GRID2: variants seen among roughly 807,000 people sequenced by gnomAD.
GRID2 encodes glutamate receptor ionotropic, delta-2.
GRID2 carries 33 observed loss-of-function variants against 114.8 expected under a neutral mutation model. The observed-to-expected ratio is 0.29, with a 90% confidence interval of 0.22 to 0.38. The LOEUF (loss-of-function observed/expected upper bound fraction) is 0.38, where lower values mean the gene tolerates loss of function less well. Ranked by LOEUF, GRID2 falls within the 10% of genes least tolerant of loss-of-function variation. The probability of loss-of-function intolerance (pLI) is 1.00; values close to 1 mark genes in which losing one functional copy is unlikely to be tolerated. For missense variants in GRID2, 1,184 were observed against 1,257.7 expected (o/e 0.94, Z 0.89); for synonymous variants, 505 against 449.9 (o/e 1.12, Z -1.55).
At chr4:92,620,943 A>G (rs1173672867) in intron 2 of GRID2, among the ~76,000 whole-genome samples, 1 of 151,076 alleles carries the variant, frequency 6.6e-6, no homozygotes, top group Non-Finnish European at 1.5e-5. Flanking sequence ...AAAGTATAAT[A>G]ATAATAATAA....
At chr4:92,996,378 A>G (rs1292237306) in intron 2 of GRID2, among the ~76,000 whole-genome samples, 1 of 149,768 alleles carries the variant, frequency 6.7e-6, no homozygotes, top group African/African-American at 2.6e-5. Context: ...TATTTTTATC[A>G]TATCATATTA....
intron 2 of GRID2, among the ~76,000 whole-genome samples, chr4:92,900,720 G>C (rs1747506167): frequency 6.6e-6 from 1 of 151,472 alleles, no homozygotes; most frequent in African/African-American, 2.4e-5. Context: ...TGTAGTCCCA[G>C]CTACGCCGGA....
intron 2 of GRID2, among the ~76,000 whole-genome samples, chr4:93,016,673 G>T (rs1048416722): frequency 2.0e-5 from 3 of 152,086 alleles, no homozygotes; most frequent in Non-Finnish European, 4.4e-5. Flanking sequence ...AAGTGAAAAT[G>T]GGAGCAGCAA....
chr4:92,540,700 A>G (rs1364534918), intron 1 of GRID2, among the ~76,000 whole-genome samples: 5 of 152,132 alleles, frequency 3.3e-5, no homozygotes, highest in Admixed American at 2.6e-4. Context: ...TGGTGGGACT[A>G]TAAACTAGTT....
intron 8 of GRID2, among the ~76,000 whole-genome samples, chr4:93,349,831 C>T (rs757760797): frequency 2.6e-5 from 4 of 152,010 alleles, no homozygotes; most frequent in Non-Finnish European, 5.9e-5. Context: ...AATGCCTTCT[C>T]TATGCCTTAA....
chr4:93,457,712 TG>T (rs1723337662), intron 11 of GRID2, among the ~76,000 whole-genome samples: 1 of 152,070 alleles, frequency 6.6e-6, no homozygotes, highest in Non-Finnish European at 1.5e-5. Flanking sequence ...TAGCGTGGTG[TG>T]GGGGTCAGTA....
chr4:92,562,930 C>T (rs1406363710), intron 1 of GRID2, among the ~76,000 whole-genome samples: 3 of 152,084 alleles, frequency 2.0e-5, no homozygotes. Flanking sequence ...ACTACGGAAT[C>T]ACTTTACAGT....
At chr4:93,104,590 G>C (rs1251174494) in intron 3 of GRID2, among the ~76,000 whole-genome samples, 3 of 152,078 alleles carry the variant, frequency 2.0e-5, no homozygotes, top group Non-Finnish European at 4.4e-5. Flanking sequence ...AGTTTACTGA[G>C]AATGATGATT....
intron 2 of GRID2, among the ~76,000 whole-genome samples, chr4:92,645,513 C>T (rs1032994169): frequency 2.0e-5 from 3 of 151,742 alleles, no homozygotes; most frequent in Admixed American, 6.6e-5. Context: ...ATGTACTTTA[C>T]ATATTGAGCA....
chr4:92,977,440 G>A (rs1753946386), intron 2 of GRID2, among the ~76,000 whole-genome samples: 1 of 152,194 alleles, frequency 6.6e-6, no homozygotes, highest in African/African-American at 2.4e-5. Flanking sequence ...CTGGCATATT[G>A]TGATGGGGGC....
intron 1 of GRID2, among the ~76,000 whole-genome samples, chr4:92,460,862 A>G (rs187318267): frequency 8.0e-4 from 122 of 152,100 alleles, no homozygotes; most frequent in African/African-American, 2.5e-3. Context: ...AATGTGGGGG[A>G]AAATGCAATC....
chr4:93,546,930 C>G (rs1431216876), intron 13 of GRID2, among the ~76,000 whole-genome samples: 1 of 151,990 alleles, frequency 6.6e-6, no homozygotes, highest in African/African-American at 2.4e-5. Context: ...ATAGAAAAAG[C>G]TGGAGGGTGA....
At chr4:93,753,547 A>G (rs928144196) in intron 14 of GRID2, among the ~76,000 whole-genome samples, 6 of 151,988 alleles carry the variant, frequency 3.9e-5, no homozygotes, top group South Asian at 2.1e-4. Flanking sequence ...CCTGTGTCCA[A>G]GTGTTTTCAT....
intron 8 of GRID2, among the ~76,000 whole-genome samples, chr4:93,377,938 CTT>C (rs2149303376): frequency 6.6e-6 from 1 of 152,094 alleles, no homozygotes; most frequent in South Asian, 2.1e-4. Context: ...TATATCTTGA[CTT>C]ATGTCTATAT....
At chr4:93,694,931 G>T (rs962301687) in intron 14 of GRID2, among the ~76,000 whole-genome samples, 1 of 152,108 alleles carries the variant, frequency 6.6e-6, no homozygotes, top group Non-Finnish European at 1.5e-5. Context: ...TAGCACTTTG[G>T]GAGGCCGAGA....
At chr4:93,444,050 A>G (rs1360058719) in intron 10 of GRID2, among the ~76,000 whole-genome samples, 1 of 152,014 alleles carries the variant, frequency 6.6e-6, no homozygotes, top group Admixed American at 6.6e-5. Context: ...TATAAAACAG[A>G]TATTATGGGA....
Position 92,989,954 on chromosome 4 carries a change from A to G in GRID2, c.245-95041A>G, listed in dbSNP as rs549019222. 4.3e-4 allele frequency among the ~76,000 whole-genome samples: 65 copies of G among 152,280 alleles called. 2 individuals are homozygous for G. The South Asian group carries it at 0.013, about 30-fold the overall frequency. ...ACTTTATTAAGAACTAGGCATCAGG[A>G]ATTGAAAGAAAAACCTAGATGGGAG... On this transcript the variant is annotated intron_variant, in intron 2 of 15. Coordinates refer to ENST00000282020, the MANE Select transcript of GRID2 (RefSeq NM_001510.4).
At chr4:93,107,564 C>T (rs1455751166) in intron 3 of GRID2, among the ~76,000 whole-genome samples, 1 of 151,916 alleles carries the variant, frequency 6.6e-6, no homozygotes. Flanking sequence ...TTTGAGGGGG[C>T]ATCTCACTCT....
intron 13 of GRID2, among the ~76,000 whole-genome samples, chr4:93,597,664 A>G (rs1169062483): frequency 6.6e-6 from 1 of 152,198 alleles, no homozygotes; most frequent in East Asian, 1.9e-4. Flanking sequence ...CTCAAAACCC[A>G]GAAGTCCCAA....
Sources: allele counts gnomAD v4.1 joint callset (sites outside exome capture counted in the v4.1 genomes callset), GRCh38; gene constraint gnomAD v4.1.1; transcripts MANE v1.5; gene names NCBI Gene and HGNC (gene_info 2026-07-23, HGNC 2026-07-21).